Variants in CDS2 observed in about 807,000 individuals in gnomAD.
CDS2 encodes the protein phosphatidate cytidylyltransferase 2.
CDS2 carries 47 observed loss-of-function variants against 59.0 expected under a neutral mutation model. The ratio of observed to expected loss-of-function variants is 0.80; its 90% CI spans 0.63 to 1.02. The LOEUF is 1.02. Among genes scored for constraint, CDS2 ranks in the 50% least tolerant of loss-of-function variants. The pLI is 0.00. For missense variants in CDS2, 356 were observed against 558.9 expected (o/e 0.64, Z 3.66); for synonymous variants, 207 against 206.4 (o/e 1.00, Z -0.02).
intron 3 of CDS2, among the ~76,000 whole-genome samples, chr20:5,175,890 C>T (rs944832182): frequency 1.3e-5 from 2 of 152,170 alleles, no homozygotes; most frequent in Non-Finnish European, 2.9e-5. Context: ...TCCTGTTTTC[C>T]TGGGGCCTCC....
At chr20:5,139,911 T>C (rs2090680438) in intron 1 of CDS2, among the ~76,000 whole-genome samples, 1 of 151,710 alleles carries the variant, frequency 6.6e-6, no homozygotes, top group Non-Finnish European at 1.5e-5. Context: ...CAGTTCTCCC[T>C]GCCTCAGCCT....
intron 1 of CDS2, among the ~76,000 whole-genome samples, chr20:5,161,548 C>G (rs2090876894): frequency 6.6e-6 from 1 of 152,242 alleles, no homozygotes; most frequent in South Asian, 2.1e-4. Flanking sequence ...TGATAACTGA[C>G]ACATACTTTG....
intron 9 of CDS2, 148 bp downstream of exon 9, chr20:5,185,974 A>G: frequency 1.4e-6 from 1 of 725,452 alleles, no homozygotes; most frequent in South Asian, 1.8e-5. Flanking sequence ...GCCACTGGCC[A>G]TGCCAGCCAT....
chr20:5,186,558 T>A, intron 9 of CDS2, 129 bp from the exon 10 acceptor site: 5 of 777,310 alleles, frequency 6.4e-6, no homozygotes, highest in Non-Finnish European at 8.5e-6. Context: ...AACATGAACC[T>A]CTGAGCACAT....
rs1343355144 is a variant in CDS2 at position 5,168,725 on chromosome 20, T to A, written c.58-4798T>A. On this transcript the variant is annotated intron_variant, in intron 1 of 12. Coordinates refer to ENST00000460006, the MANE Select transcript of CDS2 (RefSeq NM_003818.4). ...ACAGCAGGGTTTTCTTCCCAGAGAG[T>A]TGATAGTGAAAATGAGTTCCACAAA... is the stretch of plus-strand genomic sequence containing the variant. 1.2e-5 allele frequency: 6 copies of A among 488,662 alleles called. No homozygotes were observed. In the East Asian group the frequency reaches 3.5e-4, roughly 28 times the overall value. 30.3% of individuals were successfully genotyped at this position (488,662 alleles called of 1,614,324 possible).
At chr20:5,183,507 A>G (rs532004288) in intron 7 of CDS2, among the ~76,000 whole-genome samples, 4 of 152,354 alleles carry the variant, frequency 2.6e-5, no homozygotes, top group Admixed American at 2.6e-4. Context: ...CTGACAAAAT[A>G]TATACTAAAA....
chr20:5,168,899 TGTGGGGAAGCTTCTGGGCAGTTG>T (rs1354734429), intron 1 of CDS2, among the ~76,000 whole-genome samples: 1 of 152,114 alleles, frequency 6.6e-6, no homozygotes, highest in Non-Finnish European at 1.5e-5. Context: ...CAGTGCTGGG[TGTGGGGAAGCTTCTGGGCAGTTG>T]GTGGAGAAGC....
intron 10 of CDS2, among the ~76,000 whole-genome samples, chr20:5,188,031 A>G (rs765643875): frequency 3.3e-5 from 5 of 151,148 alleles, no homozygotes; most frequent in Non-Finnish European, 7.4e-5. Context: ...TTTTCTGATG[A>G]GGTCTGTGAT....
rs146088266 is a variant in CDS2, at chr20:5,182,267, T to A, written c.530-120T>A. On this transcript the variant is annotated intron_variant, in intron 5 of 12. Coordinates refer to ENST00000460006, the MANE Select transcript of CDS2 (RefSeq NM_003818.4). Reference sequence around the variant, plus strand: ...GTTTTTCTCCCCTGGGCTTTGACATTGTGCACTGGTTAGCTGCTGGGAATA... The same window carrying A: ...GTTTTTCTCCCCTGGGCTTTGACATAGTGCACTGGTTAGCTGCTGGGAATA... The A allele has an allele frequency of 1.3e-4, 91 of 717,360 alleles. 1 individual carries two copies. In the East Asian group the frequency reaches 2.8e-3, roughly 22 times the overall value. 44.4% of individuals were successfully genotyped at this position (717,360 alleles called of 1,614,324 possible).
intron 1 of CDS2, among the ~76,000 whole-genome samples, chr20:5,131,237 C>T (rs1200924115): frequency 1.3e-5 from 2 of 151,980 alleles, no homozygotes; most frequent in Non-Finnish European, 2.9e-5. Context: ...TTATAAAAGT[C>T]AGAAGGTATT....
intron 1 of CDS2, among the ~76,000 whole-genome samples, chr20:5,152,526 G>A (rs2090800865): frequency 6.6e-6 from 1 of 152,210 alleles, no homozygotes; most frequent in South Asian, 2.1e-4. Context: ...TGGATCACTT[G>A]AGATCAGGAG....
chr20:5,172,414 A>C lies in CDS2; in HGVS notation c.58-1109A>C, dbSNP rs933818815. ...TAAACCACTACAAATCAATAAAAAAAGGAAGGCAGAAAACTCCGTAGAAAA... is the reference window on the plus strand; with the variant it reads ...TAAACCACTACAAATCAATAAAAAACGGAAGGCAGAAAACTCCGTAGAAAA... On this transcript the variant is annotated intron_variant, in intron 1 of 12. Transcript: ENST00000460006. Among the ~76,000 whole-genome samples, 11 of 152,356 alleles carry C rather than the reference A, an allele frequency of 7.2e-5. No individual in the cohort carries two copies. The East Asian group carries it at 2.1e-3, about 29-fold the overall frequency.
At chr20:5,130,037 A>G (rs564130043) in intron 1 of CDS2, among the ~76,000 whole-genome samples, 5 of 152,246 alleles carry the variant, frequency 3.3e-5, no homozygotes, top group African/African-American at 9.6e-5. Context: ...CAATGGCACA[A>G]TCTCGGCTCA....
At chr20:5,186,509 CTTT>C (rs796198951) in intron 9 of CDS2, among the ~76,000 whole-genome samples, 175 bp from the exon 10 acceptor site, 2 of 144,068 alleles carry the variant, frequency 1.4e-5, no homozygotes, top group Middle Eastern at 3.6e-3. Flanking sequence ...TCATGAGCCT[CTTT>C]TTTTTTTTTT....
At position 5,127,226 on chromosome 20, in the gene CDS2, G is replaced by T. The variant is rs2090560831; in HGVS notation, c.57+77G>T. 9 of 1,303,464 alleles carry T rather than the reference G, an allele frequency of 6.9e-6. No homozygotes were observed. In the Admixed American group the frequency reaches 1.1e-4, roughly 16 times the overall value. The allele number at this position is 1,303,464 out of a possible 1,614,324, so 80.7% of individuals were successfully genotyped here. ...GCCTGCGGGGGACGCGCGCAGAGGG[G>T]TCGTCTTGTTCTCTGACCCTTTGTC... On this transcript the variant is annotated intron_variant, in intron 1 of 12. Transcript: ENST00000460006.
chr20:5,170,088 A>G (rs1315189897), intron 1 of CDS2, among the ~76,000 whole-genome samples: 1 of 152,120 alleles, frequency 6.6e-6, no homozygotes, highest in Non-Finnish European at 1.5e-5. Flanking sequence ...GGTCATCCCA[A>G]CAACCTTCCG....
At chr20:5,178,993 A>T in intron 5 of CDS2, 37 bp downstream of exon 5, 1 of 1,601,206 alleles carries the variant, frequency 6.2e-7, no homozygotes. Context: ...TTGTGTCTGT[A>T]TTGTTTTTGT....
At chr20:5,170,927 T>G (rs886225581) in intron 1 of CDS2, among the ~76,000 whole-genome samples, 2 of 152,222 alleles carry the variant, frequency 1.3e-5, no homozygotes, top group African/African-American at 4.8e-5. Flanking sequence ...GAGAGTACTA[T>G]AAACACCTCT....
In CDS2 at chr20:5,182,286, G is replaced by C. The variant is rs956339687; in HGVS notation, c.530-101G>C. 2.1e-5 allele frequency: 20 copies of C among 958,714 alleles called. No individual in the cohort carries two copies. The East Asian group carries it at 5.5e-4, about 27-fold the overall frequency. The allele number at this position is 958,714 out of a possible 1,614,324, so 59.4% of individuals were successfully genotyped here. A position where few individuals can be genotyped will look rare whatever the true frequency, so the allele number is the denominator to read the frequency against. ...TGACATTGTGCACTGGTTAGCTGCT[G>C]GGAATAAATTAGCCAAAGAACCACT... On this transcript the variant is annotated intron_variant, in intron 5 of 12. Transcript: ENST00000460006.
Sources: gnomAD v4.1 joint callset for allele counts (sites outside exome capture counted in the v4.1 genomes callset) on GRCh38, gnomAD v4.1.1 for gene constraint, MANE v1.5 for transcripts, NCBI Gene and HGNC (gene_info 2026-07-23, HGNC 2026-07-21) for gene names.